Variants in VPS13C observed in about 807,000 individuals in gnomAD.
The protein encoded by VPS13C is vacuolar protein sorting 13 homolog C, also known as intermembrane lipid transfer protein VPS13C.
A neutral mutation model predicts 456.8 loss-of-function variants in VPS13C; 358 were observed. That is an observed-to-expected ratio of 0.78 (90% CI 0.72 to 0.86). VPS13C has a LOEUF of 0.86. VPS13C is among the 40% of genes least tolerant of loss of function. VPS13C has a pLI of 0.00. For synonymous variants in VPS13C, 1,578 were observed against 1,486.7 expected (o/e 1.06, Z -1.41); for missense variants, 4,818 against 4,385.4 (o/e 1.10, Z -2.79).
At chr15:61,857,322 C>T (rs1339061526) in intron 82 of VPS13C, among the ~76,000 whole-genome samples, 1 of 152,032 alleles carries the variant, frequency 6.6e-6, no homozygotes, top group Admixed American at 6.5e-5. Flanking sequence ...AGGAACAGAT[C>T]GTACTGGCAA....
chr15:62,007,988 C>T (rs2046909499), intron 14 of VPS13C, among the ~76,000 whole-genome samples: 1 of 152,088 alleles, frequency 6.6e-6, no homozygotes, highest in Admixed American at 6.5e-5. Context: ...CGCCTGTAAT[C>T]CCAGCACTTT....
chr15:61,874,241 G>A (rs1206975105), intron 77 of VPS13C, among the ~76,000 whole-genome samples: 4 of 151,984 alleles, frequency 2.6e-5, no homozygotes, highest in African/African-American at 9.7e-5. Context: ...AACCAGATAG[G>A]AGAATAAGTT....
intron 55 of VPS13C, 105 bp from the exon 56 acceptor site, chr15:61,920,752 T>A (rs2043628185): frequency 1.0e-6 from 1 of 1,003,894 alleles, no homozygotes; most frequent in Admixed American, 3.6e-5. Context: ...ATAGTAATGC[T>A]TCGCAAAAGT....
intron 6 of VPS13C, among the ~76,000 whole-genome samples, chr15:62,026,238 T>C (rs113370730): frequency 6.6e-5 from 10 of 151,760 alleles, no homozygotes; most frequent in African/African-American, 2.2e-4. Flanking sequence ...GAATTTTTCA[T>C]ACAAATCAAA....
chr15:62,016,281 T>A (rs984841161), intron 9 of VPS13C, among the ~76,000 whole-genome samples: 1 of 151,018 alleles, frequency 6.6e-6, no homozygotes, highest in Non-Finnish European at 1.5e-5. Context: ...ATATATATAT[T>A]TTTATTATAC....
At chr15:61,999,800 A>T (rs990287587) in intron 16 of VPS13C, among the ~76,000 whole-genome samples, 11 of 152,000 alleles carry the variant, frequency 7.2e-5, no homozygotes, top group East Asian at 1.9e-4. Flanking sequence ...AAGAAAGGAA[A>T]AAAAGGAAGA....
In VPS13C at chr15:61,914,956, C is replaced by G. The variant is rs544291259; in HGVS notation, c.8445+677G>C. On this transcript the variant is annotated intron_variant, in intron 61 of 84. Coordinates refer to ENST00000644861, the MANE Select transcript of VPS13C (RefSeq NM_020821.3). ...GTACACTGAAATTTGAGAACCACTA[C>G]TCCTGTACAAACACGGATGGGATGT... Among the ~76,000 whole-genome samples the G allele has an allele frequency of 3.5e-5, 5 of 142,766 alleles. No homozygotes were observed. The South Asian group carries it at 1.2e-3, about 34-fold the overall frequency. 93.7% of individuals were successfully genotyped at this position (142,766 alleles called of 152,430 possible).
intron 53 of VPS13C, 36 bp downstream of exon 53, chr15:61,925,420 A>T: frequency 7.6e-7 from 1 of 1,316,724 alleles, no homozygotes; most frequent in Non-Finnish European, 1.0e-6. Flanking sequence ...GAAGAAAAAT[A>T]AGAATTTTCA....
Position 61,954,570 on chromosome 15 carries a change from G to T in VPS13C, c.4166-16C>A. 6.4e-7 allele frequency: 1 copy of T among 1,565,812 alleles called. No homozygotes were observed. Among genetic ancestry groups the T allele is most frequent in the African/African-American group, 1.4e-5 (1 of 72,146 alleles). On this transcript the variant is annotated splice_polypyrimidine_tract_variant and intron_variant, in intron 37 of 84. Transcript: ENST00000644861. ...TTAATTTCACCTGAAATGTTTAAAA[G>T]AAATTCATTACTTTTATTCACAAAT...
At position 62,023,807 on chromosome 15, in the gene VPS13C, G is replaced by C. The variant is rs532744522; in HGVS notation, c.487C>G (p.Pro163Ala). ...TTTGAACGATCAAGACCTTTAAAAGGTTTCTTAAAATGTTTTTTGTGCTTT... is the reference window on the plus strand; with the variant it reads ...TTTGAACGATCAAGACCTTTAAAAGCTTTCTTAAAATGTTTTTTGTGCTTT... ...RKKHKKHFKK[P>A]FKGLDRSKDK... The change falls in exon 7 of 85, where the codon CCT becomes GCT. Residue 163 changes from proline (P) to alanine (A), a missense_variant. Pro to Ala is a conservative substitution (Grantham distance 27). This residue lies in a region of VPS13C where 4,552 missense variants were observed against 4,130.6 expected (regional missense o/e 1.10). Transcript: ENST00000644861. 2 of 1,610,386 alleles carry C rather than the reference G, an allele frequency of 1.2e-6. No homozygotes were observed. The highest frequency in any genetic ancestry group is 1.7e-6 in the Non-Finnish European group (2 of 1,178,042).
intron 84 of VPS13C, 135 bp from the exon 85 acceptor site, chr15:61,854,693 G>T: frequency 9.6e-7 from 1 of 1,040,942 alleles, no homozygotes; most frequent in Non-Finnish European, 1.4e-6. Context: ...CAGTCCAGAT[G>T]TGTCATATAA....
Position 61,910,182 on chromosome 15 carries a change from C to T in VPS13C, c.8839G>A (p.Asp2947Asn), listed in dbSNP as rs530652601. The T allele has an allele frequency of 2.2e-6, 3 of 1,371,140 alleles. No homozygotes were observed. Among genetic ancestry groups the T allele is most frequent in the East Asian group, 2.8e-5 (1 of 35,840 alleles). The allele number at this position is 1,371,140 out of a possible 1,614,324, so 84.9% of individuals were successfully genotyped here. ...AATAAAATATGAAAACTTACCAGAT[C>T]TTCTAAGCTCAATAAAGTGCCATTA... ...QDNGTLLSLE[D>N]LNGGILVDVN... Residue 2947 changes from aspartate (D) to asparagine (N), a missense_variant, in exon 64 of 85, where the codon GAT (aspartate) becomes AAT (asparagine). Asp to Asn is a conservative substitution (Grantham distance 23). Around this residue, in one of 3 missense-constraint regions of VPS13C, gnomAD observed 4,552 missense variants for 4,130.6 expected, o/e 1.10. Coordinates refer to ENST00000644861, the MANE Select transcript of VPS13C (RefSeq NM_020821.3).
At position 61,854,970 on chromosome 15, in the gene VPS13C, C is replaced by A. The variant is rs1250267428; in HGVS notation, c.11077-16G>T. 1 of 1,574,826 alleles carries A rather than the reference C, an allele frequency of 6.3e-7. No individual in the cohort carries two copies. Among genetic ancestry groups the A allele is most frequent in the Non-Finnish European group, 8.6e-7 (1 of 1,167,986 alleles). ...GACCCTGTTCCTGTTTCAAAAGAAA[C>A]AATGACAGAAAAGAAATTATTCTGA... On this transcript the variant is annotated splice_polypyrimidine_tract_variant and intron_variant, in intron 83 of 84. Transcript: ENST00000644861.
chr15:61,898,052 T>C (rs2042884284), intron 66 of VPS13C, among the ~76,000 whole-genome samples: 1 of 151,976 alleles, frequency 6.6e-6, no homozygotes, highest in Non-Finnish European at 1.5e-5. Context: ...AAGCAAATGC[T>C]GAGAGATTTT....
chr15:61,962,031 T>A (rs1301736147), intron 34 of VPS13C, 138 bp from the exon 35 acceptor site: 1 of 987,032 alleles, frequency 1.0e-6, no homozygotes, highest in Non-Finnish European at 1.4e-6. Flanking sequence ...TTTCTAGCAG[T>A]ATTAAGAAAT....
At position 61,854,413 on chromosome 15, in the gene VPS13C, C is replaced by T. The variant is rs1326256261; in HGVS notation, c.*44G>A. 6.6e-7 allele frequency: 1 copy of T among 1,514,968 alleles called. No individual in the cohort carries two copies. The highest frequency in any genetic ancestry group is 1.4e-5 in the African/African-American group (1 of 72,886). The allele number at this position is 1,514,968 out of a possible 1,614,324, so 93.8% of individuals were successfully genotyped here. A position where few individuals can be genotyped will look rare whatever the true frequency, so the allele number is the denominator to read the frequency against. On this transcript the variant is annotated 3_prime_UTR_variant, in exon 85 of 85. Coordinates refer to ENST00000644861, the MANE Select transcript of VPS13C (RefSeq NM_020821.3). Reference sequence around the variant, plus strand: ...AAGCAGAGTGACTTATAGACAAGACCAGTGATTGTTTTTTCTCCCTGTTGG... The same window carrying T: ...AAGCAGAGTGACTTATAGACAAGACTAGTGATTGTTTTTTCTCCCTGTTGG...
intron 25 of VPS13C, among the ~76,000 whole-genome samples, chr15:61,973,866 G>C (rs183915632): frequency 9.9e-4 from 150 of 152,080 alleles, no homozygotes; most frequent in African/African-American, 3.0e-3. Flanking sequence ...TTGGCACAGG[G>C]TATCATCATG....
intron 1 of VPS13C, among the ~76,000 whole-genome samples, chr15:62,050,123 G>C (rs575365992): frequency 6.6e-5 from 10 of 152,292 alleles, no homozygotes; most frequent in Admixed American, 3.9e-4. Context: ...GCCCTGGCCA[G>C]AACTTCCAAC....
intron 30 of VPS13C, among the ~76,000 whole-genome samples, chr15:61,965,541 T>C (rs1317979030): frequency 6.6e-6 from 1 of 151,926 alleles, no homozygotes; most frequent in Non-Finnish European, 1.5e-5. Context: ...CATTTTCTCA[T>C]AACACTAAAT....
Sources: gnomAD v4.1 joint callset for allele counts (sites outside exome capture counted in the v4.1 genomes callset) on GRCh38, gnomAD v4.1.1 for gene constraint, gnomAD v4.1.1 regional missense constraint, MANE v1.5 for transcripts, NCBI Gene and HGNC (gene_info 2026-07-23, HGNC 2026-07-21) for gene names.